Variants in ZNF469 observed in about 807,000 individuals in gnomAD.
The protein encoded by ZNF469 is zinc finger protein 469.
A neutral mutation model predicts 1.0 loss-of-function variants in ZNF469; 1 was observed. The ratio of observed to expected loss-of-function variants is 1.00; its 90% CI spans 0.35 to 4.73. The LOEUF is 4.73. Ranked by LOEUF, ZNF469 falls within the 30% of genes most tolerant of loss-of-function variation. The pLI is 0.16. For synonymous variants in ZNF469, 2,703 were observed against 2,363.4 expected (o/e 1.14, Z -4.17); for missense variants, 6,100 against 5,356.3 (o/e 1.14, Z -4.33).
intron 1 of ZNF469, among the ~76,000 whole-genome samples, chr16:88,422,725 GGATA>G (rs1905520878): frequency 2.0e-5 from 3 of 149,242 alleles, no homozygotes; most frequent in South Asian, 4.3e-4. Flanking sequence ...ATGGATGGAT[GGATA>G]ATGATGATGG....
chr16:88,369,163 A>G, the ZNF469 span, among the ~76,000 whole-genome samples: 1 of 151,526 alleles, frequency 6.6e-6, no homozygotes, highest in Non-Finnish European at 1.5e-5. Flanking sequence ...CCATCCTGAG[A>G]TGGTGGCCCT....
chr16:88,194,714 A>G, the ZNF469 span: 8 of 152,370 alleles, frequency 5.3e-5, no homozygotes, highest in East Asian at 1.9e-4. Flanking sequence ...CAACATGTCA[A>G]TTGACTTGCC....
At chr16:88,290,899 G>T in the ZNF469 span, among the ~76,000 whole-genome samples, 14 of 152,200 alleles carry the variant, frequency 9.2e-5, no homozygotes, top group African/African-American at 3.1e-4. Flanking sequence ...GGATCCCTCT[G>T]CCTGCCATTC....
the ZNF469 span, among the ~76,000 whole-genome samples, chr16:88,369,536 A>G: frequency 3.9e-5 from 6 of 152,298 alleles, no homozygotes; most frequent in Non-Finnish European, 7.4e-5. Context: ...CCCATTGCCC[A>G]TTGCTATGTG....
chr16:88,259,404 G>T, the ZNF469 span, among the ~76,000 whole-genome samples: 1 of 152,178 alleles, frequency 6.6e-6, no homozygotes, highest in African/African-American at 2.4e-5. This position sits in a 1 kb window ranked among gnomAD's most constrained non-coding sequence, Gnocchi z 4.1. Context: ...GTTTCCAGCC[G>T]GGCTGCTCAG....
the ZNF469 span, among the ~76,000 whole-genome samples, chr16:88,251,534 C>CTGTGTTT: frequency 2.3e-5 from 2 of 85,648 alleles, no homozygotes; most frequent in Non-Finnish European, 4.8e-5. Context: ...AATGTCCCTG[C>CTGTGTTT]TGTCTTTTTT....
Position 88,432,757 on chromosome 16 carries a change from G to T in ZNF469, c.5287G>T (p.Asp1763Tyr), listed in dbSNP as rs1157415944. The T allele has an allele frequency of 1.3e-6, 2 of 1,550,420 alleles. No individual in the cohort carries two copies. The highest frequency in any genetic ancestry group is 1.2e-5 in the South Asian group (1 of 84,060). Residue 1763 changes from aspartate to tyrosine, a missense_variant, in exon 3 of 3, where the codon GAC becomes TAC. Asp to Tyr is a radical substitution (Grantham distance 160). Transcript: ENST00000565624. ...KEAASSQESE[D>Y]SLRLLPCEQR... is the part of the protein sequence containing the mutation. Reference sequence around the variant, plus strand: ...GGCCGCCAGCTCACAAGAAAGTGAAGACTCCCTGCGGCTGCTTCCCTGTGA... The same window carrying T: ...GGCCGCCAGCTCACAAGAAAGTGAATACTCCCTGCGGCTGCTTCCCTGTGA...
the ZNF469 span, among the ~76,000 whole-genome samples, chr16:88,169,207 G>A: frequency 6.6e-6 from 1 of 152,206 alleles, no homozygotes; most frequent in Non-Finnish European, 1.5e-5. This position sits in a 1 kb window ranked among gnomAD's most constrained non-coding sequence, Gnocchi z 6.1. Flanking sequence ...TGGTACAGGA[G>A]GATGTACCTG....
the ZNF469 span, among the ~76,000 whole-genome samples, chr16:88,290,165 C>G: frequency 6.6e-6 from 1 of 152,252 alleles, no homozygotes; most frequent in South Asian, 2.1e-4. Context: ...CGCGGCTTAG[C>G]ACGCCAGCAG....
intron 2 of ZNF469, among the ~76,000 whole-genome samples, chr16:88,426,549 G>A (rs1032035600): frequency 2.6e-5 from 4 of 152,262 alleles, no homozygotes; most frequent in Admixed American, 6.5e-5. Context: ...AGCGGCTCCT[G>A]CTACATCTGG....
At chr16:88,376,917 G>A in the ZNF469 span, among the ~76,000 whole-genome samples, 1 of 152,190 alleles carries the variant, frequency 6.6e-6, no homozygotes, top group Non-Finnish European at 1.5e-5. Flanking sequence ...CGTGCCCCGA[G>A]GCCCCCGAGG....
At chr16:88,391,351 G>A (rs1904486738) in intron 1 of ZNF469, among the ~76,000 whole-genome samples, 1 of 152,268 alleles carries the variant, frequency 6.6e-6, no homozygotes, top group South Asian at 2.1e-4. Context: ...CAGGACAGTT[G>A]CTCCATGTGA....
chr16:88,220,745 T>C, the ZNF469 span, among the ~76,000 whole-genome samples: 1 of 152,172 alleles, frequency 6.6e-6, no homozygotes, highest in Non-Finnish European at 1.5e-5. Flanking sequence ...GCCTGAGCTC[T>C]GAGCCACCGT....
At chr16:88,176,915 C>T in the ZNF469 span, among the ~76,000 whole-genome samples, 1 of 152,218 alleles carries the variant, frequency 6.6e-6, no homozygotes, top group Non-Finnish European at 1.5e-5. Context: ...TTCTTCCATC[C>T]CACCTTGAAA....
the ZNF469 span, among the ~76,000 whole-genome samples, chr16:88,137,481 A>G: frequency 6.6e-6 from 1 of 151,874 alleles, no homozygotes; most frequent in East Asian, 1.9e-4. Flanking sequence ...CATGTATACA[A>G]TTATGTGCAC....
the ZNF469 span, among the ~76,000 whole-genome samples, chr16:88,300,025 G>A: frequency 2.0e-5 from 3 of 152,210 alleles, no homozygotes; most frequent in Admixed American, 1.3e-4. Context: ...CGGCTAGGGG[G>A]ACGCAATGGC....
chr16:88,265,564 G>A, the ZNF469 span, among the ~76,000 whole-genome samples: 2 of 152,192 alleles, frequency 1.3e-5, no homozygotes, highest in Non-Finnish European at 2.9e-5. Context: ...AAAGGAGTGC[G>A]TGCAGCGTGT....
intron 1 of ZNF469, among the ~76,000 whole-genome samples, chr16:88,387,156 G>GGAA (rs1178917474): frequency 6.6e-6 from 1 of 152,200 alleles, no homozygotes; most frequent in Non-Finnish European, 1.5e-5. Flanking sequence ...GCAGCCCTGG[G>GGAA]TCAGGTGCGG....
chr16:88,403,155 TCGGGGCCAGTGGCC>T (rs1904931912), intron 1 of ZNF469, among the ~76,000 whole-genome samples: 1 of 151,980 alleles, frequency 6.6e-6, no homozygotes, highest in African/African-American at 2.4e-5. Context: ...GGTTGGGAGC[TCGGGGCCAGTGGCC>T]GTGCTGGATG....
Sources: allele counts gnomAD v4.1 joint callset (sites outside exome capture counted in the v4.1 genomes callset), GRCh38; gene constraint gnomAD v4.1.1; non-coding constraint Gnocchi (gnomAD v3.1); transcripts MANE v1.5; gene names NCBI Gene and HGNC (gene_info 2026-07-23, HGNC 2026-07-21).